The following NKAIN3 variants were observed in gnomAD, a reference collection of about 807,000 sequenced individuals.
The protein encoded by NKAIN3 is sodium/potassium-transporting ATPase subunit beta-1-interacting protein 3.
NKAIN3 carries 25 observed loss-of-function variants against 30.2 expected under a neutral mutation model. The observed-to-expected ratio is 0.83, with a 90% CI of 0.60 to 1.16. The LOEUF is 1.16. NKAIN3 is among the 50% of genes most tolerant of loss of function. The pLI is 0.00. For synonymous variants in NKAIN3, 91 were observed against 89.6 expected (o/e 1.02, Z -0.09); for missense variants, 225 against 254.1 (o/e 0.89, Z 0.78).
intron 1 of NKAIN3, among the ~76,000 whole-genome samples, chr8:62,572,659 T>A (rs961990745): frequency 6.6e-6 from 1 of 151,908 alleles, no homozygotes; most frequent in African/African-American, 2.4e-5. Context: ...TGGCAGGAGG[T>A]GAATGACACA....
chr8:62,443,509 G>A (rs1163863222), intron 1 of NKAIN3, among the ~76,000 whole-genome samples: 1 of 151,732 alleles, frequency 6.6e-6, no homozygotes, highest in Non-Finnish European at 1.5e-5. Context: ...TCAGCCTCCC[G>A]AGTAGCTGGG....
At chr8:62,805,596 C>T (rs1288116063) in intron 4 of NKAIN3, among the ~76,000 whole-genome samples, 1 of 152,094 alleles carries the variant, frequency 6.6e-6, no homozygotes, top group East Asian at 1.9e-4. Flanking sequence ...ACTGGCTAGC[C>T]ATATGTAGAA....
rs543236178 is a variant in NKAIN3 at position 62,890,849 on chromosome 8, A to G, written c.472-27604A>G. ...CCTCTCATCACCAAAGTCCTTCCGC[A>G]CCATTTGCTAATGTGGTATTTCCAA... On this transcript the variant is annotated intron_variant, in intron 4 of 6. Transcript: ENST00000623646. Among the ~76,000 whole-genome samples the G allele has an allele frequency of 2.0e-5, 3 of 152,344 alleles. No individual in the cohort carries two copies. In the East Asian group the frequency reaches 5.8e-4, roughly 29 times the overall value.
intron 1 of NKAIN3, among the ~76,000 whole-genome samples, chr8:62,516,223 T>G (rs1487553967): frequency 6.6e-6 from 1 of 152,126 alleles, no homozygotes; most frequent in Non-Finnish European, 1.5e-5. Flanking sequence ...AAGTTTCCCC[T>G]CTGTATGGTA....
chr8:62,528,692 C>T (rs956856701), intron 1 of NKAIN3, among the ~76,000 whole-genome samples: 5 of 152,086 alleles, frequency 3.3e-5, no homozygotes, highest in African/African-American at 1.2e-4. Context: ...AGACAGCAGA[C>T]ACTATATTCC....
chr8:62,431,705 T>A (rs181220017), intron 1 of NKAIN3, among the ~76,000 whole-genome samples: 2 of 151,930 alleles, frequency 1.3e-5, no homozygotes, highest in East Asian at 1.9e-4. Flanking sequence ...AAAGGATTTT[T>A]AAAAATGTTT....
chr8:62,740,779 T>C (rs1815839476), intron 3 of NKAIN3, among the ~76,000 whole-genome samples: 1 of 152,052 alleles, frequency 6.6e-6, no homozygotes, highest in South Asian at 2.1e-4. Flanking sequence ...AATTGAAATA[T>C]TTGGAGAATA....
chr8:62,876,841 G>A (rs571464516), intron 4 of NKAIN3, among the ~76,000 whole-genome samples: 2 of 150,806 alleles, frequency 1.3e-5, no homozygotes, highest in South Asian at 4.2e-4. Context: ...GAACTTAGAG[G>A]ATGGGTCAAT....
At chr8:62,529,233 G>A (rs191947242) in intron 1 of NKAIN3, among the ~76,000 whole-genome samples, 5 of 152,236 alleles carry the variant, frequency 3.3e-5, no homozygotes, top group African/African-American at 1.2e-4. Context: ...AGGATAACTT[G>A]ACATTTCTTT....
chr8:62,898,076 A>G (rs889552822), intron 4 of NKAIN3, among the ~76,000 whole-genome samples: 3 of 152,214 alleles, frequency 2.0e-5, no homozygotes, highest in Non-Finnish European at 4.4e-5. Context: ...CAAAGCATTT[A>G]GCAATCAATT....
rs115172407 is a variant in NKAIN3, at chr8:62,922,653, G to C, written c.532+4140G>C. Among the ~76,000 whole-genome samples, 1,325 of 152,246 alleles carry C rather than the reference G, an allele frequency of 8.7e-3. 22 individuals carry two copies. The highest frequency in any genetic ancestry group is 0.031 in the African/African-American group (1,281 of 41,528). Reference sequence around the variant, plus strand: ...ATGGAAAAATGTGCAAAATTGGTAAGGGTGATCCTGAAGTCACAGTGAACA... The same window carrying C: ...ATGGAAAAATGTGCAAAATTGGTAACGGTGATCCTGAAGTCACAGTGAACA... On this transcript the variant is annotated intron_variant, in intron 5 of 6. Coordinates refer to ENST00000623646, the MANE Select transcript of NKAIN3 (RefSeq NM_001304533.3).
intron 4 of NKAIN3, among the ~76,000 whole-genome samples, chr8:62,838,469 CAAGTA>C (rs1242672890): frequency 1.3e-5 from 2 of 151,792 alleles, no homozygotes; most frequent in Non-Finnish European, 2.9e-5. Context: ...AAGATGCAAA[CAAGTA>C]AAATTGTGTA....
intron 1 of NKAIN3, among the ~76,000 whole-genome samples, chr8:62,273,769 G>A (rs985878263): frequency 1.3e-5 from 2 of 152,170 alleles, no homozygotes; most frequent in Non-Finnish European, 2.9e-5. Context: ...ACCCTCTTAT[G>A]AGATGTTTAC....
chr8:62,755,182 GC>G (rs1468156729), intron 4 of NKAIN3, among the ~76,000 whole-genome samples: 1 of 152,138 alleles, frequency 6.6e-6, no homozygotes, highest in African/African-American at 2.4e-5. Context: ...TAAAAAATGT[GC>G]CCAAGATCCC....
rs540406421 is a variant in NKAIN3, at chr8:62,953,717, A to G, written c.533-185A>G. On this transcript the variant is annotated intron_variant, in intron 5 of 6. Coordinates refer to ENST00000623646, the MANE Select transcript of NKAIN3 (RefSeq NM_001304533.3). ...CCCTATGAATCCAGGTTATTTCTGT[A>G]TTTTTTAAATTTCCTCTTTTTGGCT... is the stretch of plus-strand genomic sequence containing the variant. 2.0e-3 allele frequency among the ~76,000 whole-genome samples: 303 copies of G among 152,184 alleles called. 6 individuals are homozygous for G. The highest frequency in any genetic ancestry group is 0.019 in the Admixed American group (296 of 15,282).
intron 3 of NKAIN3, among the ~76,000 whole-genome samples, chr8:62,608,562 T>C (rs1422242161): frequency 6.6e-6 from 1 of 152,176 alleles, no homozygotes; most frequent in Non-Finnish European, 1.5e-5. Context: ...TTGGCAAACA[T>C]GCATTATTTT....
intron 1 of NKAIN3, among the ~76,000 whole-genome samples, chr8:62,298,393 A>C (rs73683088): frequency 0.062 from 9,456 of 152,132 alleles, 980 homozygotes; most frequent in African/African-American, 0.21. Flanking sequence ...CCAGTATCAA[A>C]CCTACCAACT....
At chr8:62,958,151 A>G (rs907204517) in intron 6 of NKAIN3, among the ~76,000 whole-genome samples, 5 of 151,886 alleles carry the variant, frequency 3.3e-5, no homozygotes, top group Non-Finnish European at 5.9e-5. Context: ...CCCTAATCTC[A>G]TGTTTGCCAT....
intron 3 of NKAIN3, among the ~76,000 whole-genome samples, chr8:62,665,015 C>T (rs757068318): frequency 4.6e-5 from 7 of 152,108 alleles, no homozygotes; most frequent in African/African-American, 1.4e-4. Context: ...ACTTATTCTA[C>T]GATCTTGTGG....
Sources: gnomAD v4.1 joint callset for allele counts (sites outside exome capture counted in the v4.1 genomes callset) on GRCh38, gnomAD v4.1.1 for gene constraint, MANE v1.5 for transcripts, NCBI Gene and HGNC (gene_info 2026-07-23, HGNC 2026-07-21) for gene names.